The following IGSF21 variants were observed in gnomAD, a reference collection of about 807,000 sequenced individuals.
The protein encoded by IGSF21 is immunoglobin superfamily member 21, also known as immunoglobulin superfamily member 21.
A neutral mutation model predicts 46.8 loss-of-function variants in IGSF21; 28 were observed. That is an observed-to-expected ratio of 0.60 (90% CI 0.44 to 0.82). IGSF21 has a LOEUF of 0.82. Ranked by LOEUF, IGSF21 falls within the 40% of genes least tolerant of loss-of-function variation. IGSF21 has a pLI of 0.00. For missense variants in IGSF21, 624 were observed against 665.5 expected, an observed-to-expected ratio of 0.94 and a Z score of 0.69; for synonymous variants, 284 against 273.6, an observed-to-expected ratio of 1.04 and a Z score of -0.38.
intron 2 of IGSF21, among the ~76,000 whole-genome samples, chr1:18,255,210 C>T (rs76968528): frequency 2.6e-5 from 4 of 152,182 alleles, no homozygotes; most frequent in Non-Finnish European, 5.9e-5. Context: ...GGGGCTAAGC[C>T]TGCCTCAAGA....
Position 18,362,138 on chromosome 1 carries a change from G to T in IGSF21, c.448G>T (p.Val150Leu), listed in dbSNP as rs773197464. 2.5e-6 allele frequency: 4 copies of T among 1,611,280 alleles called. No homozygotes were observed. In the East Asian group the frequency reaches 8.9e-5, roughly 36 times the overall value. ...VMAPPTSIEV[V>L]AADTPAPFSR... ...AGCTCCTCCCACCTCCATTGAAGTG[G>T]TGGCTGCTGACACACCAGCCCCCTT... Residue 150 changes from valine to leucine, a missense_variant, in exon 5 of 10, where the codon GTG becomes TTG. By Grantham distance (32) the Val-to-Leu change is conservative. Transcript: ENST00000251296.
At chr1:18,116,699 ATC>A (rs1274572733) in intron 1 of IGSF21, among the ~76,000 whole-genome samples, 1 of 152,224 alleles carries the variant, frequency 6.6e-6, no homozygotes, top group Non-Finnish European at 1.5e-5. Context: ...GTTGTGGGCA[ATC>A]CCACATTCAT....
chr1:18,351,676 C>T (rs16861827), intron 4 of IGSF21, among the ~76,000 whole-genome samples: 17,887 of 152,226 alleles, frequency 0.12, 1,156 homozygotes, highest in Admixed American at 0.19. Context: ...GCTTCTCTCA[C>T]AAAGCTGCAA....
intron 2 of IGSF21, among the ~76,000 whole-genome samples, chr1:18,272,693 C>T (rs1055956319): frequency 6.6e-6 from 1 of 152,254 alleles, no homozygotes; most frequent in African/African-American, 2.4e-5. Context: ...GTCCCCTCGG[C>T]TCTTGCCAGG....
chr1:18,247,179 C>G (rs776569435), intron 2 of IGSF21, among the ~76,000 whole-genome samples: 1 of 149,984 alleles, frequency 6.7e-6, no homozygotes, highest in Non-Finnish European at 1.5e-5. Context: ...TACCCGTTTT[C>G]TTGTTCCCTT....
intron 2 of IGSF21, among the ~76,000 whole-genome samples, chr1:18,265,188 A>G (rs1265567427): frequency 1.3e-5 from 2 of 152,156 alleles, no homozygotes; most frequent in African/African-American, 4.8e-5. Context: ...TATTTATGGT[A>G]TTTGTTTTTC....
Position 18,335,000 on chromosome 1 carries a change from C to G in IGSF21, c.414C>G (p.Leu138=). The G allele has an allele frequency of 1.2e-6, 2 of 1,613,334 alleles. No homozygotes were observed. Among genetic ancestry groups the G allele is most frequent in the Non-Finnish European group, 1.7e-6 (2 of 1,179,202 alleles). ...TCCTGGCATCAGGCAACATCTTCCT[C>G]AACGTCATGGGTGAGTGCAGGGCCA... ...KVVLASGNIF[L]NVMAPPTSIE... Residue 138 remains leucine (L), a synonymous_variant, in exon 4 of 10, where the codon CTC becomes CTG. Transcript: ENST00000251296. This position sits in a 1 kb window ranked among gnomAD's most constrained non-coding sequence, Gnocchi z 4.3.
intron 2 of IGSF21, 70 bp from the exon 3 acceptor site, chr1:18,291,796 T>C: frequency 1.9e-6 from 3 of 1,574,368 alleles, no homozygotes; most frequent in South Asian, 1.2e-5. Context: ...ATCTTGTCAG[T>C]GTCCTGGGGA....
intron 3 of IGSF21, among the ~76,000 whole-genome samples, chr1:18,311,290 A>G (rs1443616389): frequency 6.6e-6 from 1 of 152,100 alleles, no homozygotes; most frequent in Non-Finnish European, 1.5e-5. Flanking sequence ...CAGAAGCAGC[A>G]CCTGCCACCT....
chr1:18,325,173 G>T (rs951206490), intron 3 of IGSF21, among the ~76,000 whole-genome samples: 1 of 152,198 alleles, frequency 6.6e-6, no homozygotes, highest in Non-Finnish European at 1.5e-5. Flanking sequence ...CTCAGCATTC[G>T]GTTAGTGCAG....
intron 1 of IGSF21, among the ~76,000 whole-genome samples, chr1:18,193,222 C>T (rs917915920): frequency 1.3e-5 from 2 of 152,016 alleles, no homozygotes; most frequent in Non-Finnish European, 2.9e-5. Context: ...AGCATAGAGG[C>T]CCCTGTGGAG....
At chr1:18,261,359 C>G (rs1024142161) in intron 2 of IGSF21, among the ~76,000 whole-genome samples, 7 of 152,128 alleles carry the variant, frequency 4.6e-5, no homozygotes, top group Non-Finnish European at 1.0e-4. Flanking sequence ...GGATGCTGGA[C>G]CAAACTGAGG....
At chr1:18,294,674 G>A (rs1282046947) in intron 3 of IGSF21, among the ~76,000 whole-genome samples, 2 of 152,172 alleles carry the variant, frequency 1.3e-5, no homozygotes, top group African/African-American at 4.8e-5. Flanking sequence ...CCCACATGGG[G>A]GCCAATCTCC....
At position 18,350,289 on chromosome 1, in the gene IGSF21, G is replaced by A. The variant is rs558377576; in HGVS notation, c.425-11826G>A. ...TAGCCTGTGGGTGGGGAGCAGGAGT[G>A]AGGGTGGAGAGAGTACTTCCTAGGG... On this transcript the variant is annotated intron_variant, in intron 4 of 9. Transcript: ENST00000251296. Among the ~76,000 whole-genome samples, 8 of 152,332 alleles carry A rather than the reference G, an allele frequency of 5.3e-5. No individual in the cohort carries two copies. In the South Asian group the frequency reaches 1.4e-3, roughly 28 times the overall value.
At chr1:18,283,177 T>C (rs2085179291) in intron 2 of IGSF21, among the ~76,000 whole-genome samples, 1 of 152,144 alleles carries the variant, frequency 6.6e-6, no homozygotes, top group African/African-American at 2.4e-5. Context: ...TGAGCTGCTG[T>C]CTGCCATCGC....
chr1:18,121,061 A>G (rs2086230090), intron 1 of IGSF21, among the ~76,000 whole-genome samples: 1 of 152,040 alleles, frequency 6.6e-6, no homozygotes, highest in Non-Finnish European at 1.5e-5. Context: ...GGCTCCTATC[A>G]TGTGCAGCCT....
chr1:18,305,970 T>C (rs895401966), intron 3 of IGSF21, among the ~76,000 whole-genome samples: 1 of 152,204 alleles, frequency 6.6e-6, no homozygotes, highest in African/African-American at 2.4e-5. Context: ...AGCTATAGTT[T>C]TCTTTCCAGC....
chr1:18,255,036 G>A (rs1486492404), intron 2 of IGSF21, among the ~76,000 whole-genome samples: 1 of 152,190 alleles, frequency 6.6e-6, no homozygotes, highest in Non-Finnish European at 1.5e-5. Flanking sequence ...AGGGATAGGT[G>A]CTTTGAAGCC....
intron 1 of IGSF21, among the ~76,000 whole-genome samples, chr1:18,172,759 A>T (rs904660719): frequency 6.6e-6 from 1 of 152,224 alleles, no homozygotes; most frequent in Non-Finnish European, 1.5e-5. Flanking sequence ...AATTCAGTCC[A>T]TATCACAACT....
Sources: gnomAD v4.1 joint callset for allele counts (sites outside exome capture counted in the v4.1 genomes callset) on GRCh38, gnomAD v4.1.1 for gene constraint, Gnocchi (gnomAD v3.1) non-coding constraint, MANE v1.5 for transcripts, NCBI Gene and HGNC (gene_info 2026-07-23, HGNC 2026-07-21) for gene names.